Variants in TGDS observed in about 807,000 individuals in gnomAD.
TGDS encodes the protein TDP-glucose 4,6-dehydratase.
TGDS carries 47 observed loss-of-function variants against 52.3 expected under a neutral mutation model. That is an observed-to-expected ratio of 0.90 (90% CI 0.71 to 1.15). The LOEUF is 1.15. Ranked by LOEUF, TGDS falls within the 50% of genes most tolerant of loss-of-function variation. TGDS has a pLI of 0.00. For missense variants in TGDS, 375 were observed against 418.4 expected (o/e 0.90, Z 0.90); for synonymous variants, 115 against 136.9 (o/e 0.84, Z 1.12).
chr13:94,581,724 G>GT (rs1566956364), intron 5 of TGDS, among the ~76,000 whole-genome samples: 1 of 152,140 alleles, frequency 6.6e-6, no homozygotes, highest in East Asian at 1.9e-4. Context: ...TTTTCTCACT[G>GT]TAAGTCTTTT....
intron 7 of TGDS, 42 bp from the exon 8 acceptor site, chr13:94,578,815 T>C: frequency 7.9e-7 from 1 of 1,267,420 alleles, no homozygotes; most frequent in Non-Finnish European, 1.1e-6. Flanking sequence ...GGATATTTAC[T>C]CATTAGTATG....
intron 4 of TGDS, among the ~76,000 whole-genome samples, chr13:94,589,772 C>T (rs1424379520): frequency 1.3e-5 from 2 of 152,110 alleles, no homozygotes; most frequent in East Asian, 1.9e-4. Context: ...AATGGAAAGA[C>T]TGACAAAACT....
intron 1 of TGDS, among the ~76,000 whole-genome samples, chr13:94,595,679 T>C (rs1228119792): frequency 6.6e-6 from 1 of 152,126 alleles, no homozygotes; most frequent in African/African-American, 2.4e-5. Flanking sequence ...TTAAATCGTT[T>C]TGGGGGTGCC....
chr13:94,579,727 T>C lies in TGDS; in HGVS notation c.615+167A>G, dbSNP rs2275648. 0.66 allele frequency: 311,926 copies of C among 472,942 alleles called. 104,207 individuals are homozygous for C. The highest frequency in any genetic ancestry group is 0.82 in the African/African-American group (40,719 of 49,796). The allele number at this position is 472,942 out of a possible 1,614,324, so 29.3% of individuals were successfully genotyped here. ...CCAGCTTGAGACTTAAAACTCAAGTTTTCAAACTCTAAGTCTGAAGGAATC... is the reference window on the plus strand; with the variant it reads ...CCAGCTTGAGACTTAAAACTCAAGTCTTCAAACTCTAAGTCTGAAGGAATC... On this transcript the variant is annotated intron_variant, in intron 7 of 11. Coordinates refer to ENST00000261296, the MANE Select transcript of TGDS (RefSeq NM_014305.4).
At chr13:94,574,889 AAAG>A (rs1888543371) in intron 11 of TGDS, 37 bp from the exon 12 acceptor site, 23 of 1,276,708 alleles carry the variant, frequency 1.8e-5, no homozygotes, top group Non-Finnish European at 2.4e-5. Context: ...AAAAAAAAGA[AAAG>A]AAAGAAAAAC....
intron 9 of TGDS, 77 bp from the exon 10 acceptor site, chr13:94,577,506 T>A: frequency 8.0e-7 from 1 of 1,242,334 alleles, no homozygotes; most frequent in Non-Finnish European, 1.1e-6. Flanking sequence ...AATGGCTGAT[T>A]AAAAAGAAAA....
intron 6 of TGDS, 95 bp from the exon 7 acceptor site, chr13:94,580,048 C>T: frequency 1.3e-6 from 1 of 760,426 alleles, no homozygotes; most frequent in Non-Finnish European, 2.1e-6. Flanking sequence ...GGCACCTTTG[C>T]CTAAATAATT....
intron 1 of TGDS, among the ~76,000 whole-genome samples, chr13:94,595,507 G>C (rs978130133): frequency 2.0e-5 from 3 of 152,178 alleles, no homozygotes; most frequent in Admixed American, 6.5e-5. Flanking sequence ...CAGTAAACAT[G>C]GGCTAGGGTG....
intron 1 of TGDS, among the ~76,000 whole-genome samples, chr13:94,595,610 G>T (rs1352312767): frequency 6.6e-6 from 1 of 152,144 alleles, no homozygotes; most frequent in Non-Finnish European, 1.5e-5. Context: ...AGGAAGAAAA[G>T]GGTGTCAACA....
intron 10 of TGDS, 98 bp from the exon 11 acceptor site, chr13:94,576,509 A>T (rs1475204340): frequency 1.9e-5 from 13 of 699,668 alleles, no homozygotes; most frequent in Non-Finnish European, 2.7e-5. Context: ...CCACAACCCA[A>T]CTTTTCTCTT....
chr13:94,581,023 C>T (rs929212410), intron 6 of TGDS, 68 bp downstream of exon 6: 1 of 910,550 alleles, frequency 1.1e-6, no homozygotes, highest in South Asian at 2.5e-5. Flanking sequence ...AAAAAAAAAG[C>T]TGACTTGGAG....
rs75309847 is a variant in TGDS at position 94,575,272 on chromosome 13, G to A, written c.983-420C>T. On this transcript the variant is annotated intron_variant, in intron 11 of 11. Transcript: ENST00000261296. The stretch of plus-strand genomic sequence containing the variant: ...TGCATGAGAGGCACAATGAGTTGAT[G>A]TGAACTTCCTTGCTTTTTTTTTTTT... Among the ~76,000 whole-genome samples the A allele has an allele frequency of 2.2e-3, 324 of 146,312 alleles. 14 individuals are homozygous for A. In the East Asian group the frequency reaches 0.058, roughly 26 times the overall value.
chr13:94,582,979 T>A (rs1888851345), intron 5 of TGDS, 115 bp downstream of exon 5: 1 of 1,129,662 alleles, frequency 8.9e-7, no homozygotes, highest in Non-Finnish European at 1.3e-6. Flanking sequence ...TAATACACTC[T>A]GAAGAGTGCC....
At chr13:94,592,619 A>G (rs1367840947) in intron 2 of TGDS, among the ~76,000 whole-genome samples, 6 of 151,950 alleles carry the variant, frequency 3.9e-5, no homozygotes, top group Admixed American at 3.3e-4. Flanking sequence ...TGGACCGGCT[A>G]ATTTTTTGTA....
At chr13:94,576,446 A>G in intron 10 of TGDS, 35 bp from the exon 11 acceptor site, 2 of 1,379,788 alleles carry the variant, frequency 1.4e-6, no homozygotes, top group South Asian at 1.5e-5. Context: ...ATAATATTGT[A>G]GATATATATT....
At chr13:94,588,045 GA>G (rs1889060854) in intron 4 of TGDS, among the ~76,000 whole-genome samples, 2 of 141,620 alleles carry the variant, frequency 1.4e-5, no homozygotes, top group African/African-American at 5.2e-5. Context: ...TACCCCTAAA[GA>G]AAAAGGTAAA....
At chr13:94,580,726 T>A (rs1309924519) in intron 6 of TGDS, among the ~76,000 whole-genome samples, 1 of 152,262 alleles carries the variant, frequency 6.6e-6, no homozygotes, top group Non-Finnish European at 1.5e-5. Flanking sequence ...ATTCCTTTAA[T>A]GATGAACTGA....
At chr13:94,591,622 A>G (rs2139543245) in intron 3 of TGDS, among the ~76,000 whole-genome samples, 1 of 152,308 alleles carries the variant, frequency 6.6e-6, no homozygotes, top group African/African-American at 2.4e-5. Flanking sequence ...CTGGAATGAT[A>G]TTTTGAAAAC....
upstream of TGDS, chr13:94,596,215 A>G: frequency 6.8e-7 from 1 of 1,469,682 alleles, no homozygotes; most frequent in Non-Finnish European, 9.3e-7. Context: ...ACCTTTTGCG[A>G]CGCGCCTCGC....
Sources: gnomAD v4.1 joint callset for allele counts (sites outside exome capture counted in the v4.1 genomes callset) on GRCh38, gnomAD v4.1.1 for gene constraint, MANE v1.5 for transcripts, NCBI Gene and HGNC (gene_info 2026-07-23, HGNC 2026-07-21) for gene names.